FLNA: variants seen among roughly 807,000 people sequenced by gnomAD.
The protein encoded by FLNA is filamin A, also known as filamin-A.
A neutral mutation model predicts 157.6 loss-of-function variants in FLNA; 7 were observed. That is an observed-to-expected ratio of 0.04 (90% CI 0.03 to 0.08). The LOEUF (loss-of-function observed/expected upper bound fraction) is 0.08. Ranked by LOEUF, FLNA falls within the 10% of genes least tolerant of loss-of-function variation. The pLI is 1.00. For synonymous variants in FLNA, 1,103 were observed against 1,060.8 expected (o/e 1.04, Z -0.77); for missense variants, 1,750 against 2,398.4 (o/e 0.73, Z 5.65).
chrX:154,350,632 C>A (rs782317276), intron 44 of FLNA: 180 of 393,224 alleles, frequency 4.6e-4, no homozygotes, highest in African/African-American at 4.2e-3. Flanking sequence ...GTACCATGGC[C>A]GTGGCTGAAG....
In FLNA at chrX:154,364,676, G is replaced by A. The variant is rs1557178770; in HGVS notation, c.1872C>T (p.Asp624=). The part of the protein sequence containing the change: ...EGPSQAKIEC[D]DKGDGSCDVR... ...CATCACAGGAGCCGTCGCCCTTGTC[G>A]TCACATTCGATCTTAGCCTGCGATG... Residue 624 remains aspartate, a synonymous_variant, in exon 13 of 48, where the codon GAC becomes GAT. Transcript: ENST00000369850. 1.7e-6 allele frequency: 2 copies of A among 1,208,228 alleles called. No individual in the cohort carries two copies. Among genetic ancestry groups the A allele is most frequent in the Non-Finnish European group, 1.1e-6 (1 of 894,778 alleles).
chrX:154,361,818 T>A, intron 19 of FLNA, 31 bp from the exon 20 acceptor site: 2 of 1,137,886 alleles, frequency 1.8e-6, no homozygotes, highest in Non-Finnish European at 2.4e-6. Context: ...AAGGGGGTAT[T>A]TAGAGACACC....
Position 154,349,722 on chromosome X carries a change from G to T in FLNA, c.7479C>A (p.Gly2493=). Residue 2493 remains glycine, a synonymous_variant, in exon 46 of 48, where the codon GGC becomes GGA. Transcript: ENST00000369850. ...YRVTYTPMAP[G]SYLISIKYGG... Reference sequence around the variant, plus strand: ...CGTACTTGATGGAGATGAGGTAGCTGCCAGGTGCCATGGGGGTATAGGTGA... The same window carrying T: ...CGTACTTGATGGAGATGAGGTAGCTTCCAGGTGCCATGGGGGTATAGGTGA... 1 of 1,211,942 alleles carries T rather than the reference G, an allele frequency of 8.3e-7. No homozygotes were observed. Among genetic ancestry groups the T allele is most frequent in the South Asian group, 1.8e-5 (1 of 57,047 alleles).
At chrX:154,370,670 C>T (rs782786041) in intron 2 of FLNA, among the ~76,000 whole-genome samples, 1 of 112,975 alleles carries the variant, frequency 8.9e-6, no homozygotes, top group African/African-American at 3.2e-5. Context: ...GGCGGGGGCG[C>T]GTAGCGGTTC....
intron 30 of FLNA, among the ~76,000 whole-genome samples, chrX:154,355,324 G>A (rs1396017162): frequency 3.5e-5 from 4 of 113,688 alleles, no homozygotes; most frequent in Non-Finnish European, 7.5e-5. Context: ...AGGTGCCTGG[G>A]AGGAAAAGGA....
At chrX:154,361,046 CAAAAAAAAAAAAAAAAAAAAAAAA>C (rs59672916) in intron 21 of FLNA, among the ~76,000 whole-genome samples, 1 of 19,981 alleles carries the variant, frequency 5.0e-5, no homozygotes, top group African/African-American at 2.0e-4. Flanking sequence ...GACTCTTTCT[CAAAAAAAAAAAAAAAAAAAAAAAA>C]AAAAAAAAAG....
intron 2 of FLNA, 97 bp downstream of exon 2, chrX:154,370,776 C>G: frequency 2.1e-6 from 2 of 961,005 alleles, no homozygotes; most frequent in Non-Finnish European, 2.9e-6. Context: ...TGCGCTGCGG[C>G]CCGGAAGGGG....
chrX:154,358,986 T>G lies in FLNA; in HGVS notation c.4472A>C (p.Lys1491Thr). 8.3e-7 allele frequency: 1 copy of G among 1,210,818 alleles called. No homozygotes were observed. Among genetic ancestry groups the G allele is most frequent in the East Asian group, 3.0e-5 (1 of 33,853 alleles). The change falls in exon 26 of 48, where the codon AAA becomes ACA. Residue 1491 changes from lysine (K) to threonine (T), a missense_variant and splice_region_variant. Transcript: ENST00000369850. Reference protein sequence around the residue: ...APLQVKVQGPKGLVEPVDVVD... With the variant: ...APLQVKVQGPTGLVEPVDVVD... ...GCTCCAGGCATGCAAACACTCACCTTTGGGCCCTTGCACTTTGACCTGCAA... is the reference window on the plus strand; with the variant it reads ...GCTCCAGGCATGCAAACACTCACCTGTGGGCCCTTGCACTTTGACCTGCAA...
intron 28 of FLNA, 70 bp downstream of exon 28, chrX:154,358,129 C>T (rs1049462122): frequency 2.6e-5 from 29 of 1,126,347 alleles, no homozygotes; most frequent in Non-Finnish European, 3.5e-5. Context: ...AGATCAGACA[C>T]CAGCCACCCG....
rs1249286660 is a variant in FLNA, at chrX:154,352,081, G to A, written c.6770-60C>T. The A allele has an allele frequency of 5.8e-6, 7 of 1,208,169 alleles. No individual in the cohort carries two copies. The East Asian group carries it at 1.8e-4, about 31-fold the overall frequency. On this transcript the variant is annotated intron_variant, in intron 41 of 47. Coordinates refer to ENST00000369850, the MANE Select transcript of FLNA (RefSeq NM_001110556.2). Reference sequence around the variant, plus strand: ...CTTCACCAGCCTCGGCCCCCTCCAGGCATAGCCAAGGTAGACATGCCTGCC... The same window carrying A: ...CTTCACCAGCCTCGGCCCCCTCCAGACATAGCCAAGGTAGACATGCCTGCC...
Position 154,371,017 on chromosome X carries a change from G to A in FLNA, c.229C>T (p.Leu77Phe). The A allele has an allele frequency of 1.7e-6, 2 of 1,208,736 alleles. No homozygotes were observed. The highest frequency in any genetic ancestry group is 2.2e-6 in the Non-Finnish European group (2 of 893,937). Reference protein sequence around the residue: ...LQTDLSDGLRLIALLEVLSQK... With the variant: ...LQTDLSDGLRFIALLEVLSQK... ...CTGAGCACCTCCAACAGCGCGATAA[G>A]CCGCAGCCCGTCGCTCAGGTCCGTC... Residue 77 changes from leucine to phenylalanine, a missense_variant, in exon 2 of 48, where the codon CTT becomes TTT. This residue lies in a region of FLNA where 71 missense variants were observed against 239.5 expected (regional missense o/e 0.30). Transcript: ENST00000369850.
intron 17 of FLNA, 25 bp downstream of exon 17, chrX:154,362,393 T>C (rs145152804): frequency 8.3e-7 from 1 of 1,210,530 alleles, no homozygotes; most frequent in Non-Finnish European, 1.1e-6. Context: ...AATGACATCT[T>C]AGCGGCCAGG....
intron 9 of FLNA, 101 bp from the exon 10 acceptor site, chrX:154,365,587 G>A: frequency 3.0e-6 from 3 of 1,000,699 alleles, no homozygotes; most frequent in African/African-American, 3.7e-5. Context: ...GTCCCTCAGA[G>A]CTTGGCTGGA....
chrX:154,368,077 G>A lies in FLNA; in HGVS notation c.387C>T (p.Ile129=), dbSNP rs376726361. The A allele has an allele frequency of 5.8e-6, 7 of 1,208,217 alleles. No individual in the cohort carries two copies. Among genetic ancestry groups the A allele is most frequent in the African/African-American group, 5.3e-5 (3 of 56,971 alleles). Residue 129 remains isoleucine (I), a synonymous_variant, in exon 3 of 48, where the codon ATC becomes ATT. Transcript: ENST00000369850. ...GGATCAGCTTCAGGTTCCCGTCCACGATGGCCTTGCTGTCTGTGAGTAGAA... is the reference window on the plus strand; with the variant it reads ...GGATCAGCTTCAGGTTCCCGTCCACAATGGCCTTGCTGTCTGTGAGTAGAA... The part of the protein sequence containing the change: ...IKLVSIDSKA[I]VDGNLKLILG...
intron 12 of FLNA, 27 bp downstream of exon 12, chrX:154,364,794 G>A: frequency 1.7e-6 from 2 of 1,210,234 alleles, no homozygotes; most frequent in Non-Finnish European, 2.2e-6. Flanking sequence ...CTGTCCCCAG[G>A]TGCCCATGCT....
intron 43 of FLNA, chrX:154,351,247 A>T: frequency 2.1e-6 from 1 of 466,787 alleles, no homozygotes; most frequent in South Asian, 3.1e-5. Flanking sequence ...GCCGTCGCAC[A>T]CACCCAGGTG....
rs184864998 is a variant in FLNA, at chrX:154,366,837, T to C, written c.882A>G (p.Thr294=). 3,287 of 1,208,245 alleles carry C rather than the reference T, an allele frequency of 2.7e-3. 105 individuals are homozygous for C. The Admixed American group carries it at 0.066, about 24-fold the overall frequency. Reference sequence around the variant, plus strand: ...CTGCCCGCTTCTTCACCATGTTGCCTGTGGGCTCGATGCCTGGCAGGGGAA... The same window carrying C: ...CTGCCCGCTTCTTCACCATGTTGCCCGTGGGCTCGATGCCTGGCAGGGGAA... The part of the protein sequence containing the change: ...ARAYGPGIEP[T]GNMVKKRAEF... The change falls in exon 6 of 48, where the codon ACA becomes ACG. Residue 294 remains threonine, a synonymous_variant. Transcript: ENST00000369850.
At chrX:154,360,748 A>G (rs1557177840) in intron 21 of FLNA, among the ~76,000 whole-genome samples, 161 bp from the exon 22 acceptor site, 1 of 112,096 alleles carries the variant, frequency 8.9e-6, no homozygotes, top group Non-Finnish European at 1.9e-5. Context: ...TCCATCAGTC[A>G]TAAGGACAAA....
chrX:154,364,121 G>A lies in FLNA; in HGVS notation c.2181C>T (p.Gly727=), dbSNP rs376972653. ...CGTAGGAGCAGCTGTAAGTGCCATT[G>A]CCGTTGTCCTTGACCAACGCCTCCA... The part of the protein sequence containing the change: ...CPVEALVKDN[G]NGTYSCSYVP... The change falls in exon 15 of 48, where the codon GGC becomes GGT. Residue 727 remains glycine, a synonymous_variant. Coordinates refer to ENST00000369850, the MANE Select transcript of FLNA (RefSeq NM_001110556.2). 12 of 1,209,314 alleles carry A rather than the reference G, an allele frequency of 9.9e-6. No homozygotes were observed. In the African/African-American group the frequency reaches 1.9e-4, roughly 19 times the overall value.
Sources: gnomAD v4.1 joint callset for allele counts (sites outside exome capture counted in the v4.1 genomes callset) on GRCh38, gnomAD v4.1.1 for gene constraint, gnomAD v4.1.1 regional missense constraint, MANE v1.5 for transcripts, NCBI Gene and HGNC (gene_info 2026-07-23, HGNC 2026-07-21) for gene names.